SLC24A4: variants seen among roughly 807,000 people sequenced by gnomAD.
The protein encoded by SLC24A4 is solute carrier family 24 member 4.
SLC24A4 carries 53 observed loss-of-function variants against 79.0 expected under a neutral mutation model. That is an observed-to-expected ratio of 0.67 (90% CI 0.54 to 0.84). SLC24A4 has a LOEUF of 0.84. Ranked by LOEUF, SLC24A4 falls within the 40% of genes least tolerant of loss-of-function variation. The pLI is 0.00. For missense variants in SLC24A4, 731 were observed against 822.0 expected, an observed-to-expected ratio of 0.89 and a Z score of 1.35; for synonymous variants, 323 against 323.8, an observed-to-expected ratio of 1.00 and a Z score of 0.03.
intron 12 of SLC24A4, among the ~76,000 whole-genome samples, chr14:92,474,773 G>A (rs1894639813): frequency 1.7e-5 from 2 of 115,636 alleles, no homozygotes; most frequent in Admixed American, 1.0e-4. Context: ...GTATATATGT[G>A]TGTATATATA....
At position 92,448,231 on chromosome 14, in the gene SLC24A4, G is replaced by A. The variant is rs548936826; in HGVS notation, c.737+807G>A. Among the ~76,000 whole-genome samples, 6 of 152,254 alleles carry A rather than the reference G, an allele frequency of 3.9e-5. No homozygotes were observed. In the East Asian group the frequency reaches 5.8e-4, roughly 15 times the overall value. On this transcript the variant is annotated intron_variant, in intron 9 of 16. Transcript: ENST00000532405. Reference sequence around the variant, plus strand: ...GGATGATACAAATGGTTTGGGAACCGTGCTGATGGTTGTAGAACAATGTGA... The same window carrying A: ...GGATGATACAAATGGTTTGGGAACCATGCTGATGGTTGTAGAACAATGTGA...
intron 2 of SLC24A4, among the ~76,000 whole-genome samples, chr14:92,343,054 C>T (rs1181311340): frequency 6.6e-6 from 1 of 152,252 alleles, no homozygotes; most frequent in Non-Finnish European, 1.5e-5. Flanking sequence ...CCCTGCGCAG[C>T]TTGCACCTTT....
intron 2 of SLC24A4, among the ~76,000 whole-genome samples, chr14:92,369,717 A>G (rs1888042756): frequency 1.3e-5 from 2 of 152,280 alleles, no homozygotes; most frequent in East Asian, 1.9e-4. Flanking sequence ...GTCATTCTTC[A>G]TGGTGGGGGC....
At chr14:92,351,623 G>C (rs1440035971) in intron 2 of SLC24A4, among the ~76,000 whole-genome samples, 1 of 152,184 alleles carries the variant, frequency 6.6e-6, no homozygotes. Flanking sequence ...TCGGGAGGCC[G>C]AGGCGGGTGG....
intron 2 of SLC24A4, among the ~76,000 whole-genome samples, chr14:92,387,156 G>GTA (rs1237242780): frequency 2.6e-5 from 4 of 151,460 alleles, no homozygotes; most frequent in Non-Finnish European, 5.9e-5. Flanking sequence ...GGTACAGAGG[G>GTA]GGTGGCCTGA....
rs932631955 is a variant in SLC24A4 at position 92,495,763 on chromosome 14, C to G, written c.*2135C>G. ...CCAAGCACCAGTCCATCACCCCTCC[C>G]AGGCCAGCCTCTGTAAGTTGGCCAC... On this transcript the variant is annotated 3_prime_UTR_variant, in exon 17 of 17. Transcript: ENST00000532405. 7.2e-5 allele frequency: 11 copies of G among 152,292 alleles called. No individual in the cohort carries two copies. The highest frequency in any genetic ancestry group is 2.7e-4 in the African/African-American group (11 of 41,454). The allele number at this position is 152,292 out of a possible 1,614,324, so 9.4% of individuals were successfully genotyped here.
intron 12 of SLC24A4, among the ~76,000 whole-genome samples, chr14:92,480,354 C>T (rs1168455238): frequency 1.9e-5 from 2 of 107,642 alleles, no homozygotes; most frequent in Non-Finnish European, 3.5e-5. Flanking sequence ...ACTGCAGTGG[C>T]ACAATCTCAG....
chr14:92,338,177 G>A (rs989618478), intron 2 of SLC24A4, among the ~76,000 whole-genome samples: 1 of 152,100 alleles, frequency 6.6e-6, no homozygotes, highest in Non-Finnish European at 1.5e-5. Flanking sequence ...ATGAATGAGA[G>A]CTGGAATTTG....
intron 7 of SLC24A4, 160 bp from the exon 8 acceptor site, chr14:92,445,157 A>G (rs1363217369): frequency 5.0e-6 from 4 of 795,618 alleles, no homozygotes; most frequent in Admixed American, 2.0e-5. Flanking sequence ...CCTAGGCTAC[A>G]CTAAGGAAAG....
intron 12 of SLC24A4, among the ~76,000 whole-genome samples, chr14:92,473,878 G>T (rs911410379): frequency 6.6e-6 from 1 of 152,216 alleles, no homozygotes; most frequent in Non-Finnish European, 1.5e-5. Flanking sequence ...TCACAGGCAG[G>T]AGCACAAATG....
rs1229719022 is a variant in SLC24A4 at position 92,474,868 on chromosome 14, T to A, written c.1256-7812T>A. ...GTATATATATATATATATATATTTT[T>A]TTTTTTTTTAGTAGACACAGGGTTT... On this transcript the variant is annotated intron_variant, in intron 12 of 16. Transcript: ENST00000532405. Among the ~76,000 whole-genome samples the A allele has an allele frequency of 4.3e-3, 521 of 122,510 alleles. 10 individuals carry two copies. The highest frequency in any genetic ancestry group is 0.014 in the East Asian group (65 of 4,560). The allele number at this position is 122,510 out of a possible 152,430, so 80.4% of individuals were successfully genotyped here.
In SLC24A4 at chr14:92,454,081, T is replaced by C. The variant is rs1244752598; in HGVS notation, c.1050+12T>C. On this transcript the variant is annotated intron_variant, in intron 11 of 16. Transcript: ENST00000532405. ...TCATCATTAATGAGGTGAGTTTGCT[T>C]GAAGGACCATAAAAGTGAGCAGCCT... The C allele has an allele frequency of 6.2e-7, 1 of 1,609,954 alleles. No individual in the cohort carries two copies.
At chr14:92,382,137 AGT>A (rs765519119) in intron 2 of SLC24A4, among the ~76,000 whole-genome samples, 1 of 152,076 alleles carries the variant, frequency 6.6e-6, no homozygotes, top group Non-Finnish European at 1.5e-5. Context: ...TCTATACATA[AGT>A]GTGTGTATAT....
rs540570801 is a variant in SLC24A4, at chr14:92,347,410, A to T, written c.241+21432A>T. On this transcript the variant is annotated intron_variant, in intron 2 of 16. Transcript: ENST00000532405. ...ATTCAAGGCAAAATAACAGTGAGGA[A>T]GGGATGATGCATTTTATTAGGTAGT... Among the ~76,000 whole-genome samples, 8 of 152,354 alleles carry T rather than the reference A, an allele frequency of 5.3e-5. No individual in the cohort carries two copies. The South Asian group carries it at 1.2e-3, about 24-fold the overall frequency.
chr14:92,486,985 C>T (rs1042411061), intron 14 of SLC24A4, among the ~76,000 whole-genome samples: 6 of 152,182 alleles, frequency 3.9e-5, no homozygotes, highest in African/African-American at 1.4e-4. Context: ...CTCCTCCAGA[C>T]CTCTATCTAG....
intron 2 of SLC24A4, among the ~76,000 whole-genome samples, chr14:92,425,511 T>A (rs1395722765): frequency 6.6e-6 from 1 of 152,204 alleles, no homozygotes; most frequent in Non-Finnish European, 1.5e-5. Flanking sequence ...GAGGCTGTGG[T>A]CTGACATCCC....
At chr14:92,482,588 C>T in intron 12 of SLC24A4, 92 bp from the exon 13 acceptor site, 1 of 1,267,982 alleles carries the variant, frequency 7.9e-7, no homozygotes, top group Non-Finnish European at 1.1e-6. Flanking sequence ...TCTTATTTAG[C>T]TTGAAGACTA....
chr14:92,390,074 C>T (rs986522537), intron 2 of SLC24A4, among the ~76,000 whole-genome samples: 7 of 152,060 alleles, frequency 4.6e-5, no homozygotes, highest in African/African-American at 1.7e-4. Flanking sequence ...CCTGCCCCTT[C>T]TCTCCTTCCT....
Position 92,441,441 on chromosome 14 carries a change from G to T in SLC24A4, c.394-648G>T, listed in dbSNP as rs1433306275. 6.6e-6 allele frequency among the ~76,000 whole-genome samples: 1 copy of T among 152,184 alleles called. No individual in the cohort carries two copies. The highest frequency in any genetic ancestry group is 2.4e-5 in the African/African-American group (1 of 41,430). On this transcript the variant is annotated intron_variant, in intron 4 of 16. Coordinates refer to ENST00000532405, the MANE Select transcript of SLC24A4 (RefSeq NM_153646.4). The surrounding 1 kb of genome is among the most constrained non-coding windows in gnomAD (Gnocchi z 4.6). ...CTGGAACCAGTACCTCTGGGTCTTT[G>T]TGAGCCACTGGATGTCAGGCCTGCC...
Sources: allele counts gnomAD v4.1 joint callset (sites outside exome capture counted in the v4.1 genomes callset), GRCh38; gene constraint gnomAD v4.1.1; non-coding constraint Gnocchi (gnomAD v3.1); transcripts MANE v1.5; gene names NCBI Gene and HGNC (gene_info 2026-07-23, HGNC 2026-07-21).